PCP4: variants seen among roughly 807,000 people sequenced by gnomAD.
The protein encoded by PCP4 is Purkinje cell protein 4.
Under a neutral mutation model 10.0 loss-of-function variants are expected in PCP4, and 8 were observed. The observed-to-expected ratio is 0.80, with a 90% CI of 0.47 to 1.45. PCP4 has a LOEUF of 1.45. Ranked by LOEUF, PCP4 falls within the 40% of genes most tolerant of loss-of-function variation. The pLI is 0.00. For synonymous variants in PCP4, 21 were observed against 23.0 expected (o/e 0.91, Z 0.24); for missense variants, 54 against 74.4 (o/e 0.73, Z 1.01).
chr21:39,915,147 A>C (rs1281607306), intron 2 of PCP4, among the ~76,000 whole-genome samples: 2 of 152,158 alleles, frequency 1.3e-5, no homozygotes. Context: ...AATGTCCCAC[A>C]AGGAGAAAAA....
At chr21:39,921,147 T>C (rs1230807185) in intron 2 of PCP4, among the ~76,000 whole-genome samples, 2 of 152,354 alleles carry the variant, frequency 1.3e-5, no homozygotes, top group East Asian at 1.9e-4. Context: ...CCAGACAGCC[T>C]GGTAAACCAG....
intron 2 of PCP4, among the ~76,000 whole-genome samples, chr21:39,925,894 G>T (rs2087618742): frequency 1.3e-5 from 2 of 152,162 alleles, no homozygotes; most frequent in South Asian, 2.1e-4. Context: ...TGGGTGCCTG[G>T]CTGTGGTCCC....
At chr21:39,922,952 TC>T (rs1248257625) in intron 2 of PCP4, among the ~76,000 whole-genome samples, 1 of 152,156 alleles carries the variant, frequency 6.6e-6, no homozygotes, top group Non-Finnish European at 1.5e-5. Context: ...GATCAATAAG[TC>T]GGGTTTCCCC....
In PCP4 at chr21:39,929,296, A is replaced by G; in HGVS notation, c.*185A>G. The G allele has an allele frequency of 2.3e-6, 1 of 434,022 alleles. No individual in the cohort carries two copies. 26.9% of individuals were successfully genotyped at this position (434,022 alleles called of 1,614,324 possible). On this transcript the variant is annotated 3_prime_UTR_variant, in exon 3 of 3. Transcript: ENST00000328619. ...CTTGTAGGAAGGTATAGACAATGGAATTGTGAGTAGCTTAATCTCTATGTT... is the reference window on the plus strand; with the variant it reads ...CTTGTAGGAAGGTATAGACAATGGAGTTGTGAGTAGCTTAATCTCTATGTT...
intron 2 of PCP4, among the ~76,000 whole-genome samples, chr21:39,922,315 G>C (rs371800331): frequency 3.3e-5 from 5 of 152,192 alleles, no homozygotes; most frequent in South Asian, 2.1e-4. Flanking sequence ...TCAATAAAGA[G>C]TGGTTTTTAT....
chr21:39,922,889 C>T (rs1401449765), intron 2 of PCP4, among the ~76,000 whole-genome samples: 3 of 152,102 alleles, frequency 2.0e-5, no homozygotes, highest in Non-Finnish European at 4.4e-5. Flanking sequence ...GGATAATGGC[C>T]CCCCAGGCAC....
At chr21:39,908,725 G>A (rs1015724126) in intron 2 of PCP4, among the ~76,000 whole-genome samples, 1 of 152,126 alleles carries the variant, frequency 6.6e-6, no homozygotes, top group Admixed American at 6.5e-5. Context: ...TGCTCTCTGG[G>A]AGGCTGGAGT....
intron 2 of PCP4, among the ~76,000 whole-genome samples, chr21:39,913,948 C>G (rs1044557710): frequency 1.9e-5 from 1 of 53,628 alleles, no homozygotes; most frequent in African/African-American, 8.1e-5. Flanking sequence ...TAGCATGGCC[C>G]AGCAGCTGAG....
At chr21:39,897,609 T>C (rs569533641) in intron 1 of PCP4, among the ~76,000 whole-genome samples, 1 of 152,286 alleles carries the variant, frequency 6.6e-6, no homozygotes, top group Admixed American at 6.5e-5. Flanking sequence ...CCCAAAGTGT[T>C]AAGTCTAACC....
chr21:39,895,604 G>C (rs2087453152), intron 1 of PCP4, among the ~76,000 whole-genome samples: 1 of 152,234 alleles, frequency 6.6e-6, no homozygotes, highest in Admixed American at 6.5e-5. Context: ...TCGTGGGCTT[G>C]AGCAAATTCC....
At chr21:39,909,800 CT>C (rs11420148) in intron 2 of PCP4, among the ~76,000 whole-genome samples, 29 of 143,550 alleles carry the variant, frequency 2.0e-4, no homozygotes, top group Admixed American at 4.2e-4. Flanking sequence ...CTTTTCTTTT[CT>C]TTTTTTTTTT....
chr21:39,922,811 A>G (rs573629138), intron 2 of PCP4, among the ~76,000 whole-genome samples: 2 of 152,122 alleles, frequency 1.3e-5, no homozygotes, highest in Non-Finnish European at 2.9e-5. Flanking sequence ...ATAGATTTTG[A>G]TTGTCACTTC....
intron 2 of PCP4, among the ~76,000 whole-genome samples, chr21:39,915,717 A>C (rs1429538780): frequency 2.0e-5 from 3 of 152,222 alleles, no homozygotes; most frequent in Non-Finnish European, 2.9e-5. Context: ...AACAGAGGGA[A>C]AAAATGGGCA....
intron 1 of PCP4, among the ~76,000 whole-genome samples, chr21:39,885,335 C>T (rs991797494): frequency 3.3e-5 from 5 of 152,194 alleles, no homozygotes; most frequent in East Asian, 1.9e-4. Flanking sequence ...TAAGAAGCAA[C>T]GAGCCTGAGG....
At chr21:39,925,379 C>T (rs1399906143) in intron 2 of PCP4, among the ~76,000 whole-genome samples, 1 of 152,186 alleles carries the variant, frequency 6.6e-6, no homozygotes, top group Non-Finnish European at 1.5e-5. Context: ...CCTTTGACAG[C>T]TGCCTAGCAT....
chr21:39,870,837 G>A (rs2087316073), intron 1 of PCP4, among the ~76,000 whole-genome samples: 1 of 152,208 alleles, frequency 6.6e-6, no homozygotes. Context: ...TCACGGTCAT[G>A]GGCTGGGCTT....
intron 1 of PCP4, among the ~76,000 whole-genome samples, chr21:39,887,337 A>AT (rs1305597449): frequency 2.0e-5 from 1 of 50,742 alleles, no homozygotes; most frequent in African/African-American, 6.0e-5. Flanking sequence ...TTTTTAACCA[A>AT]CTTTTTTTTT....
At chr21:39,905,153 G>A (rs554547246) in intron 2 of PCP4, among the ~76,000 whole-genome samples, 1 of 152,254 alleles carries the variant, frequency 6.6e-6, no homozygotes, top group African/African-American at 2.4e-5. Context: ...AGAGGCACAT[G>A]GGTGGTGGCG....
intron 1 of PCP4, among the ~76,000 whole-genome samples, chr21:39,897,089 A>T (rs887217440): frequency 6.6e-6 from 1 of 151,974 alleles, no homozygotes; most frequent in African/African-American, 2.4e-5. Context: ...CATTTTCTTC[A>T]TCTGAAAGTT....
Sources: gnomAD v4.1 joint callset for allele counts (sites outside exome capture counted in the v4.1 genomes callset) on GRCh38, gnomAD v4.1.1 for gene constraint, MANE v1.5 for transcripts, NCBI Gene and HGNC (gene_info 2026-07-23, HGNC 2026-07-21) for gene names.